VWA5B2: variants seen among roughly 807,000 people sequenced by gnomAD.
VWA5B2 encodes von Willebrand factor A domain containing 5B2.
VWA5B2 carries 93 observed loss-of-function variants against 118.5 expected under a neutral mutation model. The ratio of observed to expected loss-of-function variants is 0.79; its 90% confidence interval spans 0.66 to 0.93. The LOEUF (loss-of-function observed/expected upper bound fraction) is 0.93. VWA5B2 is among the 40% of genes least tolerant of loss of function. VWA5B2 has a pLI of 0.00. For missense variants in VWA5B2, 1,546 were observed against 1,672.8 expected, an observed-to-expected ratio of 0.92 and a Z score of 1.32; for synonymous variants, 708 against 716.3, an observed-to-expected ratio of 0.99 and a Z score of 0.19.
At position 184,241,785 on chromosome 3, in the gene VWA5B2, G is replaced by A. The variant is rs1292046873; in HGVS notation, c.3476G>A (p.Gly1159Asp). 2.0e-6 allele frequency: 3 copies of A among 1,493,386 alleles called. No homozygotes were observed. The highest frequency in any genetic ancestry group is 2.5e-5 in the East Asian group (1 of 40,492). The allele number at this position is 1,493,386 out of a possible 1,614,324, so 92.5% of individuals were successfully genotyped here. Residue 1159 changes from glycine (G) to aspartate (D), a missense_variant, in exon 20 of 20, where the codon GGC becomes GAC. By Grantham distance (94) the Gly-to-Asp change is moderately conservative. This residue lies in a region of VWA5B2 where 763 missense variants were observed against 766.6 expected (regional missense o/e 1.00). Coordinates refer to ENST00000691901, the MANE Select transcript of VWA5B2 (RefSeq NM_001390846.1). This position sits in a 1 kb window ranked among gnomAD's most constrained non-coding sequence, Gnocchi z 5.1. ...EASEGAEGLG[G>D]TDLRGRTWAT... is the part of the protein sequence containing the mutation. ...TCCGAGGGGGCGGAAGGGCTGGGCG[G>A]CACCGACCTGCGGGGCCGGACCTGG...
At position 184,237,341 on chromosome 3, in the gene VWA5B2, A is replaced by C; in HGVS notation, c.1649A>C (p.Tyr550Ser). The change falls in exon 12 of 20, where the codon TAC becomes TCC. Residue 550 changes from tyrosine to serine, a missense_variant. Tyr to Ser is a moderately radical substitution (Grantham distance 144). Transcript: ENST00000691901. The surrounding 1 kb of genome is among the most constrained non-coding windows in gnomAD (Gnocchi z 5.6). ...LLTPREIPAL[Y>S]PGDQLLGYCS... ...ACCCCCCGGGAGATCCCAGCACTCT[A>C]CCCTGGGGACCAGCTGCTCGGTTAC... is the stretch of plus-strand genomic sequence containing the variant. 1 of 1,550,832 alleles carries C rather than the reference A, an allele frequency of 6.4e-7. No individual in the cohort carries two copies. Among genetic ancestry groups the C allele is most frequent in the South Asian group, 1.2e-5 (1 of 84,038 alleles).
chr3:184,233,074 T>C lies in VWA5B2; in HGVS notation c.311-104T>C, dbSNP rs1429804465. 3 of 1,019,154 alleles carry C rather than the reference T, an allele frequency of 2.9e-6. No homozygotes were observed. In the East Asian group the frequency reaches 7.9e-5, roughly 27 times the overall value. 63.1% of individuals were successfully genotyped at this position (1,019,154 alleles called of 1,614,324 possible). A position where few individuals can be genotyped will look rare whatever the true frequency, so the allele number is the denominator to read the frequency against. ...ATTAGCCTAGTGCCAACACGCAAAG[T>C]CCCCCTTGCCCAGGCTCCCTGACCC... On this transcript the variant is annotated intron_variant, in intron 3 of 19. Transcript: ENST00000691901. This position sits in a 1 kb window ranked among gnomAD's most constrained non-coding sequence, Gnocchi z 5.2.
At chr3:184,234,419 T>A (rs1051834314) in intron 6 of VWA5B2, 22 bp downstream of exon 6, 1 of 1,551,270 alleles carries the variant, frequency 6.4e-7, no homozygotes, top group Non-Finnish European at 8.7e-7. Context: ...GGACACACCG[T>A]GGGCCGGCTC....
chr3:184,238,572 C>T lies in VWA5B2; in HGVS notation c.1901C>T (p.Ala634Val), dbSNP rs1353164271. The stretch of plus-strand genomic sequence containing the variant: ...TACTGCCTCCCAGCAGGTACTGATG[C>T]TCTGACAGACCCAGTCACGGATCCT... ...AARDSEQSTD[A>V]LTDPVTDPGP... Residue 634 changes from alanine to valine, a missense_variant, in exon 14 of 20, where the codon GCT (alanine) becomes GTT (valine). Transcript: ENST00000691901. This position sits in a 1 kb window ranked among gnomAD's most constrained non-coding sequence, Gnocchi z 5.0. The T allele has an allele frequency of 3.9e-6, 6 of 1,548,446 alleles. No individual in the cohort carries two copies. The highest frequency in any genetic ancestry group is 5.2e-6 in the Non-Finnish European group (6 of 1,144,422).
At chr3:184,232,519 G>A (rs1001168013) in intron 3 of VWA5B2, 21 of 152,324 alleles carry the variant, frequency 1.4e-4, no homozygotes, top group African/African-American at 4.3e-4. Flanking sequence ...GGCTGTGAAC[G>A]TGGGCTGGGG....
In VWA5B2 at chr3:184,241,216, T is replaced by A. The variant is rs1292630053; in HGVS notation, c.2992T>A (p.Trp998Arg). 4.5e-6 allele frequency: 7 copies of A among 1,550,538 alleles called. No individual in the cohort carries two copies. The African/African-American group carries it at 6.8e-5, about 15-fold the overall frequency. Reference protein sequence around the residue: ...GLQRGSPAGAWDSDQNGNSKR... With the variant: ...GLQRGSPAGARDSDQNGNSKR... ...TCAGAGAGGCTCTCCAGCAGGCGCC[T>A]GGGACTCGGACCAAAATGGCAACTC... The change falls in exon 19 of 20, where the codon TGG becomes AGG. Residue 998 changes from tryptophan to arginine, a missense_variant. Around this residue, in one of 3 missense-constraint regions of VWA5B2, gnomAD observed 763 missense variants for 766.6 expected, o/e 1.00. Coordinates refer to ENST00000691901, the MANE Select transcript of VWA5B2 (RefSeq NM_001390846.1). This position sits in a 1 kb window ranked among gnomAD's most constrained non-coding sequence, Gnocchi z 5.1.
chr3:184,241,570 CTGCCGTGCCTCGCCCTT>C lies in VWA5B2; in HGVS notation c.3270_3286del (p.Ser1091ProfsTer24), dbSNP rs757216012. On this transcript the variant is annotated frameshift_variant, in exon 20 of 20. Transcript: ENST00000691901. LOFTEE classifies it high-confidence loss of function. The surrounding 1 kb of genome is among the most constrained non-coding windows in gnomAD (Gnocchi z 5.1). Reference sequence around the variant, plus strand: ...CTGTGCGCATCTCGCAGGAGCGCCTCTGCCGTGCCTCGCCCTTTGCCGTGCACCGCGCCAGCCTCAGC... The same window carrying C: ...CTGTGCGCATCTCGCAGGAGCGCCTCTGCCGTGCACCGCGCCAGCCTCAGC... The C allele has an allele frequency of 2.6e-6, 4 of 1,548,288 alleles. No homozygotes were observed. The African/African-American group carries it at 4.1e-5, about 16-fold the overall frequency.
In VWA5B2 at chr3:184,240,739, T is replaced by C. The variant is rs137907933; in HGVS notation, c.2741-52T>C. 1.5e-4 allele frequency: 228 copies of C among 1,540,696 alleles called. 1 individual carries two copies. The East Asian group carries it at 5.4e-3, about 36-fold the overall frequency. Reference sequence around the variant, plus strand: ...ACACTGCAATTTTTTCTATGAGCCCTCTGTAGAGGGTGGGTGGTGGGGGCT... The same window carrying C: ...ACACTGCAATTTTTTCTATGAGCCCCCTGTAGAGGGTGGGTGGTGGGGGCT... On this transcript the variant is annotated intron_variant, in intron 16 of 19. Coordinates refer to ENST00000691901, the MANE Select transcript of VWA5B2 (RefSeq NM_001390846.1).
chr3:184,241,041 G>A lies in VWA5B2; in HGVS notation c.2896G>A (p.Gly966Arg), dbSNP rs1718556891. 3.9e-5 allele frequency: 60 copies of A among 1,551,612 alleles called. No homozygotes were observed. Among genetic ancestry groups the A allele is most frequent in the Non-Finnish European group, 5.2e-5 (60 of 1,146,970 alleles). ...CCCTGCAGAGCCCGCTGAGCCCCCA[G>A]GAACCCCTCCTGCCTCTCACAGCCA... ...VCSSEPAEPP[G>R]TPPASHSHLD... is the part of the protein sequence containing the mutation. Residue 966 changes from glycine (G) to arginine (R), a missense_variant, in exon 18 of 20, where the codon GGA becomes AGA. Physicochemically the swap from Gly to Arg is moderately radical, Grantham distance 125. Around this residue, in one of 3 missense-constraint regions of VWA5B2, gnomAD observed 763 missense variants for 766.6 expected, o/e 1.00. Transcript: ENST00000691901. The surrounding 1 kb of genome is among the most constrained non-coding windows in gnomAD (Gnocchi z 5.1).
Position 184,230,578 on chromosome 3 carries a change from A to G in VWA5B2, c.50A>G (p.Asp17Gly), listed in dbSNP as rs1717277937. Residue 17 changes from aspartate to glycine, a missense_variant, in exon 2 of 20, where the codon GAC becomes GGC. Transcript: ENST00000691901. The stretch of plus-strand genomic sequence containing the variant: ...AGCTGGACGCCGCTGCCGCTCACGG[A>G]CTCCTGGGTCCGGGCCTGCGCCAAC... ...PSSWTPLPLT[D>G]SWVRACANGP... The G allele has an allele frequency of 6.8e-7, 1 of 1,477,778 alleles. No homozygotes were observed. Among genetic ancestry groups the G allele is most frequent in the Non-Finnish European group, 8.9e-7 (1 of 1,122,388 alleles). 91.5% of individuals were successfully genotyped at this position (1,477,778 alleles called of 1,614,324 possible). A position where few individuals can be genotyped will look rare whatever the true frequency, so the allele number is the denominator to read the frequency against.
At position 184,233,533 on chromosome 3, in the gene VWA5B2, G is replaced by C; in HGVS notation, c.531-43G>C. 6.5e-7 allele frequency: 1 copy of C among 1,541,096 alleles called. No individual in the cohort carries two copies. The highest frequency in any genetic ancestry group is 8.8e-7 in the Non-Finnish European group (1 of 1,141,902). ...GGCCAGTCAGCCGGAGGGTTTAGGG[G>C]CCTTCACAGTGGCCCAGTGACCCTC... On this transcript the variant is annotated intron_variant, in intron 4 of 19. Transcript: ENST00000691901. The surrounding 1 kb of genome is among the most constrained non-coding windows in gnomAD (Gnocchi z 5.2).
In VWA5B2 at chr3:184,230,883, G is replaced by T. The variant is rs542411869; in HGVS notation, c.276G>T (p.Gly92=). The stretch of plus-strand genomic sequence containing the variant: ...CCTGCTGCCGCGCTCTGGGCCCGGG[G>T]CTGGGGACCCCGACGCCCCGCCGCT... ...QAACCRALGP[G]LGTPTPRRCA... Residue 92 remains glycine (G), a synonymous_variant, in exon 3 of 20, where the codon GGG becomes GGT. Coordinates refer to ENST00000691901, the MANE Select transcript of VWA5B2 (RefSeq NM_001390846.1). 17 of 1,226,232 alleles carry T rather than the reference G, an allele frequency of 1.4e-5. No homozygotes were observed. Among genetic ancestry groups the T allele is most frequent in the Non-Finnish European group, 1.6e-5 (16 of 984,814 alleles). The allele number at this position is 1,226,232 out of a possible 1,614,324, so 76.0% of individuals were successfully genotyped here. A position where few individuals can be genotyped will look rare whatever the true frequency, so the allele number is the denominator to read the frequency against.
intron 3 of VWA5B2, chr3:184,232,788 G>A (rs1436371749): frequency 4.8e-6 from 1 of 207,132 alleles, no homozygotes; most frequent in Non-Finnish European, 9.6e-6. Context: ...TATGAGCAGA[G>A]TGGGGTCCCA....
In VWA5B2 at chr3:184,239,770, G is replaced by T; in HGVS notation, c.2474G>T (p.Gly825Val). 1 of 1,533,248 alleles carries T rather than the reference G, an allele frequency of 6.5e-7. No individual in the cohort carries two copies. The highest frequency in any genetic ancestry group is 8.8e-7 in the Non-Finnish European group (1 of 1,134,900). 95.0% of individuals were successfully genotyped at this position (1,533,248 alleles called of 1,614,324 possible). ...TTATTCACGGCTGTGCCTCCTAGTG[G>T]GGAGTTGGCCCCTCCAGCAGTGCCT... is the stretch of plus-strand genomic sequence containing the variant. ...PFLFTAVPPS[G>V]ELAPPAVPPQ... The change falls in exon 16 of 20, where the codon GGG becomes GTG. Residue 825 changes from glycine to valine, a missense_variant. Transcript: ENST00000691901. This position sits in a 1 kb window ranked among gnomAD's most constrained non-coding sequence, Gnocchi z 5.1.
In VWA5B2 at chr3:184,238,177, T is replaced by A. The variant is rs1718197938; in HGVS notation, c.1720-126T>A. The A allele has an allele frequency of 6.4e-6, 5 of 787,322 alleles. No homozygotes were observed. The highest frequency in any genetic ancestry group is 3.2e-5 in the Admixed American group (1 of 31,022). 48.8% of individuals were successfully genotyped at this position (787,322 alleles called of 1,614,324 possible). A position where few individuals can be genotyped will look rare whatever the true frequency, so the allele number is the denominator to read the frequency against. ...GTGAACATGTCTGCTTCCTCCTTCT[T>A]TAGTACTGGTCTTTTGTTTCTGGTT... is the stretch of plus-strand genomic sequence containing the variant. On this transcript the variant is annotated intron_variant, in intron 12 of 19. Transcript: ENST00000691901. The surrounding 1 kb of genome is among the most constrained non-coding windows in gnomAD (Gnocchi z 5.0).
rs969281373 is a variant in VWA5B2 at position 184,236,262 on chromosome 3, T to A, written c.1212T>A (p.Asp404Glu). ...TCCCAGAGAGCCGGCCTTGCAGTGA[T>A]GTGAGTGTGGTCCAGGGATCTGGGG... is the stretch of plus-strand genomic sequence containing the variant. ...PLFPESRPCS[D>E]DAVQLICESI... Residue 404 changes from aspartate to glutamate, a missense_variant and splice_region_variant, in exon 9 of 20, where the codon GAT (aspartate) becomes GAA (glutamate). Coordinates refer to ENST00000691901, the MANE Select transcript of VWA5B2 (RefSeq NM_001390846.1). 6.4e-7 allele frequency: 1 copy of A among 1,551,768 alleles called. No individual in the cohort carries two copies. Among genetic ancestry groups the A allele is most frequent in the African/African-American group, 1.4e-5 (1 of 73,182 alleles).
At chr3:184,235,010 C>A in intron 7 of VWA5B2, 143 bp from the exon 8 acceptor site, 1 of 1,176,544 alleles carries the variant, frequency 8.5e-7, no homozygotes, top group East Asian at 2.6e-5. Context: ...TGCCTTTGCT[C>A]CTGCCTTTAT....
At chr3:184,235,103 C>G in intron 7 of VWA5B2, 50 bp from the exon 8 acceptor site, 1 of 1,530,596 alleles carries the variant, frequency 6.5e-7, no homozygotes, top group Middle Eastern at 1.7e-4. Flanking sequence ...CCACCCTCAA[C>G]AAAGTAGCAC....
chr3:184,241,443 C>G lies in VWA5B2; in HGVS notation c.3180+39C>G, dbSNP rs768316278. ...AGGTGGAGGGTGGTGCCGCCGGGGC[C>G]GGGCGCTGTTTCAGCTCGCTTCTCC... On this transcript the variant is annotated intron_variant, in intron 19 of 19. Transcript: ENST00000691901. This position sits in a 1 kb window ranked among gnomAD's most constrained non-coding sequence, Gnocchi z 5.1. 5 of 1,566,448 alleles carry G rather than the reference C, an allele frequency of 3.2e-6. No homozygotes were observed. In the South Asian group the frequency reaches 5.9e-5, roughly 18 times the overall value.
Sources: allele counts gnomAD v4.1 joint callset, GRCh38; gene constraint gnomAD v4.1.1; regional missense constraint gnomAD v4.1.1; non-coding constraint Gnocchi (gnomAD v3.1); transcripts MANE v1.5; gene names NCBI Gene and HGNC (gene_info 2026-07-23, HGNC 2026-07-21).